Variants in GPHN observed in about 807,000 individuals in gnomAD.
The protein encoded by GPHN is gephyrin.
A neutral mutation model predicts 95.5 loss-of-function variants in GPHN; 17 were observed. That is an observed-to-expected ratio of 0.18 (90% CI 0.12 to 0.27). The LOEUF is 0.27. GPHN is among the 10% of genes least tolerant of loss of function. The pLI is 1.00. For synonymous variants in GPHN, 320 were observed against 322.5 expected, an observed-to-expected ratio of 0.99 and a Z score of 0.08; for missense variants, 660 against 978.1, an observed-to-expected ratio of 0.67 and a Z score of 4.34.
intron 17 of GPHN, among the ~76,000 whole-genome samples, chr14:67,125,718 A>C (rs2079268504): frequency 6.6e-6 from 1 of 151,942 alleles, no homozygotes; most frequent in South Asian, 2.1e-4. Context: ...TGGGGGTTGC[A>C]GTGAGCCAAC....
intron 4 of GPHN, among the ~76,000 whole-genome samples, chr14:66,879,026 C>T (rs1286025763): frequency 6.6e-6 from 1 of 151,994 alleles, no homozygotes; most frequent in Non-Finnish European, 1.5e-5. Context: ...GCTATGCAGC[C>T]ATAAAAAAGG....
chr14:67,477,260 C>A, the GPHN span, among the ~76,000 whole-genome samples: 2 of 152,204 alleles, frequency 1.3e-5, no homozygotes, highest in South Asian at 4.1e-4. Flanking sequence ...ATGACCTTGC[C>A]CCGATTGACA....
chr14:67,649,536 T>G, the GPHN span: 2 of 152,236 alleles, frequency 1.3e-5, no homozygotes, highest in Non-Finnish European at 2.9e-5. Flanking sequence ...TAGTGCAAAC[T>G]TTGATGACCA....
intron 18 of GPHN, among the ~76,000 whole-genome samples, chr14:67,153,697 T>G (rs1252430265): frequency 6.6e-6 from 1 of 152,232 alleles, no homozygotes; most frequent in Non-Finnish European, 1.5e-5. Flanking sequence ...GGACACCCAG[T>G]ATTCTTTTCT....
intron 10 of GPHN, among the ~76,000 whole-genome samples, chr14:67,057,011 G>C (rs1038957234): frequency 1.3e-5 from 2 of 152,090 alleles, no homozygotes; most frequent in South Asian, 2.1e-4. Context: ...CCCAGAACTC[G>C]TGCTGGCCCG....
At chr14:66,984,540 A>G (rs576612913) in intron 9 of GPHN, among the ~76,000 whole-genome samples, 3 of 152,252 alleles carry the variant, frequency 2.0e-5, no homozygotes, top group South Asian at 4.1e-4. Context: ...CGAAAATTCC[A>G]TTTTCTCAAT....
At chr14:67,691,304 A>T in the GPHN span, 1 of 1,148,826 alleles carries the variant, frequency 8.7e-7, no homozygotes, top group Non-Finnish European at 1.3e-6. Context: ...CATCTTAGAA[A>T]GCTGCCTCAC....
intron 3 of GPHN, among the ~76,000 whole-genome samples, chr14:66,818,876 A>G (rs576813919): frequency 5.1e-4 from 78 of 152,130 alleles, no homozygotes; most frequent in Non-Finnish European, 1.0e-3. Flanking sequence ...TGCTTATAGG[A>G]CACATGTATG....
chr14:66,811,386 G>T (rs905381392), intron 3 of GPHN, among the ~76,000 whole-genome samples: 15 of 152,152 alleles, frequency 9.9e-5, no homozygotes, highest in Middle Eastern at 3.4e-3. Context: ...AATATTTATG[G>T]AAGTATGGTC....
chr14:66,905,880 G>A (rs900725138), intron 5 of GPHN, among the ~76,000 whole-genome samples: 5 of 152,132 alleles, frequency 3.3e-5, no homozygotes, highest in East Asian at 1.9e-4. Context: ...CTCCAGGTAC[G>A]TCCATGTTGC....
intron 2 of GPHN, among the ~76,000 whole-genome samples, chr14:66,733,345 C>T (rs1269844963): frequency 6.7e-6 from 1 of 150,178 alleles, no homozygotes; most frequent in East Asian, 1.9e-4. Context: ...TCAAGTATAT[C>T]TTTATAACAG....
chr14:67,329,943 T>C, the GPHN span, among the ~76,000 whole-genome samples: 1 of 150,094 alleles, frequency 6.7e-6, no homozygotes, highest in Non-Finnish European at 1.5e-5. Context: ...CAACCAGTTA[T>C]GTAATTGTAC....
the GPHN span, among the ~76,000 whole-genome samples, chr14:67,380,014 C>T: frequency 6.6e-6 from 1 of 152,204 alleles, no homozygotes; most frequent in East Asian, 1.9e-4. Context: ...GCCTCAGCCT[C>T]CCAAAGTGCT....
At chr14:66,547,207 T>C (rs1318838134) in intron 1 of GPHN, among the ~76,000 whole-genome samples, 1 of 152,222 alleles carries the variant, frequency 6.6e-6, no homozygotes, top group Admixed American at 6.5e-5. Flanking sequence ...AAAAATTGGT[T>C]AGACTTCAGC....
chr14:67,378,863 C>T, the GPHN span, among the ~76,000 whole-genome samples: 1 of 152,230 alleles, frequency 6.6e-6, no homozygotes, highest in South Asian at 2.1e-4. Context: ...CTATTTTCCT[C>T]ACTTATCAGT....
At chr14:66,623,617 CAAAAAAAAAAAA>C (rs57810648) in intron 1 of GPHN, among the ~76,000 whole-genome samples, 2 of 91,534 alleles carry the variant, frequency 2.2e-5, no homozygotes, top group Non-Finnish European at 5.7e-5. Context: ...GACTCTGTTT[CAAAAAAAAAAAA>C]AAAAAAAAAG....
the GPHN span, among the ~76,000 whole-genome samples, chr14:67,576,861 G>C: frequency 6.6e-6 from 1 of 152,146 alleles, no homozygotes; most frequent in Admixed American, 6.5e-5. This position sits in a 1 kb window ranked among gnomAD's most constrained non-coding sequence, Gnocchi z 4.0. Context: ...AATTGGGATC[G>C]GACTAACCTG....
At chr14:67,620,152 G>A in the GPHN span, 2 of 1,210,922 alleles carry the variant, frequency 1.7e-6, no homozygotes, top group South Asian at 2.8e-5. Context: ...GGAGACAGCG[G>A]CGGTAGGGTG....
the GPHN span, among the ~76,000 whole-genome samples, chr14:67,320,642 T>A: frequency 6.6e-6 from 1 of 152,178 alleles, no homozygotes; most frequent in African/African-American, 2.4e-5. Flanking sequence ...CCCTTATAAT[T>A]TCCTGTTCCA....
Sources: gnomAD v4.1 joint callset for allele counts (sites outside exome capture counted in the v4.1 genomes callset) on GRCh38, gnomAD v4.1.1 for gene constraint, Gnocchi (gnomAD v3.1) non-coding constraint, MANE v1.5 for transcripts, NCBI Gene and HGNC (gene_info 2026-07-23, HGNC 2026-07-21) for gene names.